CNTN6: variants seen among roughly 807,000 people sequenced by gnomAD.
The protein encoded by CNTN6 is contactin-6.
A neutral mutation model predicts 122.8 loss-of-function variants in CNTN6; 137 were observed. That is an observed-to-expected ratio of 1.12 (90% confidence interval 0.97 to 1.29). The LOEUF is 1.29. CNTN6 is among the 50% of genes most tolerant of loss of function. CNTN6 has a pLI of 0.00. For synonymous variants in CNTN6, 570 were observed against 426.0 expected, an observed-to-expected ratio of 1.34 and a Z score of -4.16; for missense variants, 1,634 against 1,223.4, an observed-to-expected ratio of 1.34 and a Z score of -5.01.
At chr3:1,133,802 T>C (rs960623302) in intron 1 of CNTN6, among the ~76,000 whole-genome samples, 20 of 152,208 alleles carry the variant, frequency 1.3e-4, no homozygotes, top group African/African-American at 4.6e-4. Flanking sequence ...AAAGGATTAC[T>C]GTTAGGGAAA....
chr3:1,093,739 C>A (rs989844923), intron 1 of CNTN6, among the ~76,000 whole-genome samples: 1 of 152,154 alleles, frequency 6.6e-6, no homozygotes, highest in Non-Finnish European at 1.5e-5. Context: ...TTACCATTTA[C>A]ACCAGTTAAG....
chr3:1,150,715 C>G (rs2092822333), intron 2 of CNTN6, among the ~76,000 whole-genome samples: 1 of 152,052 alleles, frequency 6.6e-6, no homozygotes, highest in Admixed American at 6.6e-5. Context: ...ATAATGGCCC[C>G]AAAAGATATC....
At chr3:1,220,891 A>C in intron 3 of CNTN6, 78 bp downstream of exon 3, 2 of 1,444,878 alleles carry the variant, frequency 1.4e-6, no homozygotes, top group Non-Finnish European at 1.9e-6. Context: ...AAAGTGTTTT[A>C]TAAAATGTCC....
At chr3:1,313,882 T>A (rs375230024) in intron 7 of CNTN6, among the ~76,000 whole-genome samples, 1 of 152,060 alleles carries the variant, frequency 6.6e-6, no homozygotes, top group Non-Finnish European at 1.5e-5. Context: ...CATCTAGCTG[T>A]GTCCTCGCAT....
At chr3:1,168,673 C>T (rs1414212429) in intron 2 of CNTN6, among the ~76,000 whole-genome samples, 1 of 152,036 alleles carries the variant, frequency 6.6e-6, no homozygotes, top group Non-Finnish European at 1.5e-5. Flanking sequence ...GTTAAGCCAC[C>T]TGCCCAATGT....
intron 10 of CNTN6, among the ~76,000 whole-genome samples, chr3:1,328,248 C>G (rs1701810628): frequency 6.6e-6 from 1 of 151,778 alleles, no homozygotes; most frequent in Non-Finnish European, 1.5e-5. Flanking sequence ...AAATAAGTCC[C>G]TATAGTGAAA....
chr3:1,138,447 T>TA (rs1350720365), intron 1 of CNTN6, among the ~76,000 whole-genome samples: 1 of 152,116 alleles, frequency 6.6e-6, no homozygotes, highest in African/African-American at 2.4e-5. Flanking sequence ...AAAACTCAAA[T>TA]ACATTACTTA....
intron 1 of CNTN6, among the ~76,000 whole-genome samples, chr3:1,111,388 G>A (rs1214504765): frequency 6.6e-6 from 1 of 152,112 alleles, no homozygotes; most frequent in Non-Finnish European, 1.5e-5. Context: ...AAACCTCAAA[G>A]GATATGTGGT....
At chr3:1,222,574 T>TACAC (rs10637286) in intron 3 of CNTN6, among the ~76,000 whole-genome samples, 71,992 of 151,612 alleles carry the variant, frequency 0.47, 19,002 homozygotes, top group African/African-American at 0.72. Flanking sequence ...TGTGAAAAAA[T>TACAC]AGAATGAAGG....
intron 20 of CNTN6, among the ~76,000 whole-genome samples, chr3:1,396,611 A>G (rs189101167): frequency 6.6e-6 from 1 of 152,252 alleles, no homozygotes; most frequent in East Asian, 1.9e-4. Flanking sequence ...GCTGTCATAC[A>G]TCAAGGCTCA....
rs112316680 is a variant in CNTN6, at chr3:1,153,816, A to G, written c.55+5753A>G. 3.2e-3 allele frequency among the ~76,000 whole-genome samples: 482 copies of G among 152,352 alleles called. 3 individuals are homozygous for G. Among genetic ancestry groups the G allele is most frequent in the Middle Eastern group, 0.024 (7 of 294 alleles). On this transcript the variant is annotated intron_variant, in intron 2 of 22. Transcript: ENST00000446702. Reference sequence around the variant, plus strand: ...CTTCAAAGACAACGATGTATCACACAGCAAATCCATGAAAATTGGCAGGTG... The same window carrying G: ...CTTCAAAGACAACGATGTATCACACGGCAAATCCATGAAAATTGGCAGGTG...
rs1290438184 is a variant in CNTN6, at chr3:1,403,383, A to G, written c.3052A>G (p.Ile1018Val). 1 of 1,611,136 alleles carries G rather than the reference A, an allele frequency of 6.2e-7. No homozygotes were observed. Among genetic ancestry groups the G allele is most frequent in the Non-Finnish European group, 8.5e-7 (1 of 1,178,520 alleles). ...STHFLSIVIVIFHCFAIQPLI is the reference protein window; with the variant it reads ...STHFLSIVIVVFHCFAIQPLI ...CCATTTTCTTTCCATTGTCATTGTG[A>G]TTTTTCACTGTTTTGCTATTCAGCC... Residue 1018 changes from isoleucine to valine, a missense_variant, in exon 23 of 23, where the codon ATT becomes GTT. Coordinates refer to ENST00000446702, the MANE Select transcript of CNTN6 (RefSeq NM_001289080.2).
chr3:1,175,885 C>T (rs1352002173), intron 2 of CNTN6, among the ~76,000 whole-genome samples: 1 of 152,120 alleles, frequency 6.6e-6, no homozygotes, highest in Non-Finnish European at 1.5e-5. Context: ...TATATAGATA[C>T]AATGGAGAAG....
chr3:1,187,310 G>A (rs930435577), intron 2 of CNTN6, among the ~76,000 whole-genome samples: 3 of 151,318 alleles, frequency 2.0e-5, no homozygotes, highest in African/African-American at 7.3e-5. Flanking sequence ...TTCACCTCCT[G>A]CCTTACGTTC....
At chr3:1,320,397 T>C (rs1559812170) in intron 7 of CNTN6, among the ~76,000 whole-genome samples, 1 of 151,730 alleles carries the variant, frequency 6.6e-6, no homozygotes, top group Admixed American at 6.6e-5. Context: ...TAAGTGTTCT[T>C]GCTTGAAGCT....
chr3:1,141,747 CAAG>C (rs2125140790), intron 1 of CNTN6, among the ~76,000 whole-genome samples: 1 of 152,184 alleles, frequency 6.6e-6, no homozygotes, highest in African/African-American at 2.4e-5. Context: ...CAGAATTGGA[CAAG>C]AATAATTTTC....
chr3:1,325,410 A>G (rs17037708), intron 8 of CNTN6, among the ~76,000 whole-genome samples: 3,956 of 151,956 alleles, frequency 0.026, 163 homozygotes, highest in African/African-American at 0.086. Flanking sequence ...TATTACTTTT[A>G]GTTTAGAGCA....
At position 1,329,721 on chromosome 3, in the gene CNTN6, A is replaced by C. The variant is rs1702023801; in HGVS notation, c.1214-64A>C. 3.0e-6 allele frequency: 4 copies of C among 1,355,228 alleles called. No homozygotes were observed. In the Admixed American group the frequency reaches 8.8e-5, roughly 30 times the overall value. 84.0% of individuals were successfully genotyped at this position (1,355,228 alleles called of 1,614,324 possible). A position where few individuals can be genotyped will look rare whatever the true frequency, so the allele number is the denominator to read the frequency against. ...TAGATTCTGTCTAGCATAGCAAGTC[A>C]CCCCTGGAGTCACTACATGTTAACT... On this transcript the variant is annotated intron_variant, in intron 10 of 22. Transcript: ENST00000446702.
At chr3:1,300,771 A>G (rs1239019440) in intron 7 of CNTN6, among the ~76,000 whole-genome samples, 1 of 152,028 alleles carries the variant, frequency 6.6e-6, no homozygotes, top group African/African-American at 2.4e-5. Context: ...GACCAAGTGT[A>G]AACCTGTGCT....
Sources: gnomAD v4.1 joint callset for allele counts (sites outside exome capture counted in the v4.1 genomes callset) on GRCh38, gnomAD v4.1.1 for gene constraint, MANE v1.5 for transcripts, NCBI Gene and HGNC (gene_info 2026-07-23, HGNC 2026-07-21) for gene names.